EPB41L3: variants seen among roughly 807,000 people sequenced by gnomAD.
The protein encoded by EPB41L3 is band 4.1-like protein 3.
EPB41L3 carries 57 observed loss-of-function variants against 127.1 expected under a neutral mutation model. The observed-to-expected ratio is 0.45, with a 90% CI of 0.36 to 0.56. EPB41L3 has a LOEUF of 0.56. EPB41L3 is among the 20% of genes least tolerant of loss of function. The probability of loss-of-function intolerance (pLI) is 0.00; values close to 1 mark genes in which losing one functional copy is unlikely to be tolerated. For synonymous variants in EPB41L3, 572 were observed against 549.5 expected (o/e 1.04, Z -0.57); for missense variants, 1,273 against 1,372.2 (o/e 0.93, Z 1.14).
intron 1 of EPB41L3, among the ~76,000 whole-genome samples, chr18:5,624,368 C>T (rs930340846): frequency 6.6e-6 from 1 of 152,142 alleles, no homozygotes; most frequent in Admixed American, 6.6e-5. Flanking sequence ...TTCCTTCAGC[C>T]CAATCACTAT....
intron 3 of EPB41L3, among the ~76,000 whole-genome samples, chr18:5,572,622 G>A (rs1468827222): frequency 6.6e-6 from 1 of 152,136 alleles, no homozygotes; most frequent in South Asian, 2.1e-4. Context: ...TGCCCAGGCT[G>A]CAGTGCAATG....
chr18:5,594,308 C>T lies in EPB41L3; in HGVS notation c.-306+18032G>A, dbSNP rs529264389. On this transcript the variant is annotated intron_variant, in intron 3 of 21. Transcript: ENST00000545076. Reference sequence around the variant, plus strand: ...GGTCCCTGACTTCCCGCAACACCCCCGCAAAATTTTAAATATCTGTTACCC... The same window carrying T: ...GGTCCCTGACTTCCCGCAACACCCCTGCAAAATTTTAAATATCTGTTACCC... 9.2e-5 allele frequency among the ~76,000 whole-genome samples: 14 copies of T among 152,258 alleles called. No homozygotes were observed. In the South Asian group the frequency reaches 1.9e-3, roughly 20 times the overall value.
intron 12 of EPB41L3, among the ~76,000 whole-genome samples, chr18:5,417,939 G>C (rs192582116): frequency 3.7e-4 from 56 of 152,242 alleles, no homozygotes; most frequent in Non-Finnish European, 8.8e-5. Context: ...TCCCAGCCTG[G>C]GAAACGTGCC....
intron 2 of EPB41L3, among the ~76,000 whole-genome samples, chr18:5,486,373 T>C (rs1305542376): frequency 3.3e-5 from 5 of 152,114 alleles, no homozygotes; most frequent in African/African-American, 9.7e-5. Flanking sequence ...GACCTGTAAC[T>C]ATGAAACCAC....
intron 3 of EPB41L3, among the ~76,000 whole-genome samples, chr18:5,566,718 T>TTTTCTTTTCTATTCCATTCC (rs2094203246): frequency 7.0e-6 from 1 of 142,882 alleles, no homozygotes; most frequent in Non-Finnish European, 1.5e-5. Context: ...TTTTCTTTTC[T>TTTTCTTTTCTATTCCATTCC]ATTCCATTCT....
intron 3 of EPB41L3, among the ~76,000 whole-genome samples, chr18:5,460,892 G>A (rs534907102): frequency 6.6e-6 from 1 of 152,156 alleles, no homozygotes; most frequent in Non-Finnish European, 1.5e-5. Context: ...TTTTCTCTTT[G>A]TTATACTGGG....
At chr18:5,575,441 T>G (rs1414472359) in intron 3 of EPB41L3, among the ~76,000 whole-genome samples, 2 of 152,024 alleles carry the variant, frequency 1.3e-5, no homozygotes, top group African/African-American at 4.8e-5. Context: ...AGCTGGTACT[T>G]CCTTTCTTTT....
intron 1 of EPB41L3, among the ~76,000 whole-genome samples, chr18:5,509,814 G>C (rs2092423136): frequency 1.3e-5 from 2 of 152,184 alleles, no homozygotes; most frequent in Non-Finnish European, 2.9e-5. Flanking sequence ...AGGAGACTTT[G>C]TTATCTTGTT....
At position 5,396,351 on chromosome 18, in the gene EPB41L3, A is replaced by G; in HGVS notation, c.2842-19T>C. 6.2e-7 allele frequency: 1 copy of G among 1,614,028 alleles called. No individual in the cohort carries two copies. Among genetic ancestry groups the G allele is most frequent in the Non-Finnish European group, 8.5e-7 (1 of 1,179,972 alleles). On this transcript the variant is annotated intron_variant, in intron 18 of 22. Transcript: ENST00000341928. ...TTGAGGACTGTGCCAAAGGGGAGTA[A>G]GCAGAGTGGCTGTTATAGTTTGCAT...
intron 3 of EPB41L3, among the ~76,000 whole-genome samples, chr18:5,565,813 T>C (rs898812830): frequency 2.6e-5 from 4 of 152,080 alleles, no homozygotes; most frequent in African/African-American, 9.7e-5. Context: ...AACTCATCAC[T>C]TTTTATGGCT....
intron 3 of EPB41L3, among the ~76,000 whole-genome samples, chr18:5,553,775 C>T (rs1719960): frequency 0.18 from 28,029 of 152,156 alleles, 3,055 homozygotes; most frequent in African/African-American, 0.31. Flanking sequence ...TCTGTCTCTG[C>T]TGCCACCCTG....
upstream of EPB41L3, among the ~76,000 whole-genome samples, chr18:5,549,007 T>C (rs2093926057): frequency 6.6e-6 from 1 of 152,230 alleles, no homozygotes; most frequent in African/African-American, 2.4e-5. Flanking sequence ...TCAGCTATTA[T>C]GTTTCACCCC....
At chr18:5,424,386 G>A (rs913458305) in intron 9 of EPB41L3, 27 bp from the exon 10 acceptor site, 3 of 1,523,696 alleles carry the variant, frequency 2.0e-6, no homozygotes, top group South Asian at 1.2e-5. Context: ...ACATTGAAGA[G>A]TAAAGTTTAA....
intron 1 of EPB41L3, among the ~76,000 whole-genome samples, chr18:5,492,551 T>C (rs2090725179): frequency 6.6e-6 from 1 of 152,214 alleles, no homozygotes; most frequent in South Asian, 2.1e-4. Context: ...TAAAGACTAT[T>C]GTTTTCCAAG....
chr18:5,481,069 G>A (rs972734340), intron 2 of EPB41L3: 1 of 152,196 alleles, frequency 6.6e-6, no homozygotes, highest in Non-Finnish European at 1.5e-5. Context: ...CCTTAGGTTT[G>A]TCTACTAAGC....
chr18:5,500,708 A>G (rs2091665493), intron 1 of EPB41L3, among the ~76,000 whole-genome samples: 1 of 152,248 alleles, frequency 6.6e-6, no homozygotes, highest in South Asian at 2.1e-4. Context: ...CTGTCTGTCC[A>G]GGAGAATTTT....
rs2094237809 is a variant in EPB41L3, at chr18:5,568,544, A to G, written c.-306+43796T>C. Among the ~76,000 whole-genome samples the G allele has an allele frequency of 3.3e-5, 5 of 152,088 alleles. No homozygotes were observed. In the South Asian group the frequency reaches 8.3e-4, roughly 25 times the overall value. On this transcript the variant is annotated intron_variant, in intron 3 of 21. Transcript: ENST00000545076. Reference sequence around the variant, plus strand: ...ATCTCCATTTCCCAGAGGTATAGCCACATTGCTAGGGGCCCCACAGAGTAC... The same window carrying G: ...ATCTCCATTTCCCAGAGGTATAGCCGCATTGCTAGGGGCCCCACAGAGTAC...
chr18:5,489,193 T>C lies in EPB41L3; in HGVS notation c.-10A>G, dbSNP rs947948980. 8 of 1,589,658 alleles carry C rather than the reference T, an allele frequency of 5.0e-6. No homozygotes were observed. Among genetic ancestry groups the C allele is most frequent in the Non-Finnish European group, 6.8e-6 (8 of 1,173,082 alleles). On this transcript the variant is annotated splice_region_variant and 5_prime_UTR_variant, in exon 2 of 23. Coordinates refer to ENST00000341928, the MANE Select transcript of EPB41L3 (RefSeq NM_012307.5). ...CAGATTCGGTCGTCATGGTTGATTG[T>C]TCTGCAAGCAGAAAAAAGGGAAGAG... is the stretch of plus-strand genomic sequence containing the variant.
At chr18:5,607,623 A>G (rs2094675390) in intron 3 of EPB41L3, among the ~76,000 whole-genome samples, 1 of 152,180 alleles carries the variant, frequency 6.6e-6, no homozygotes, top group Non-Finnish European at 1.5e-5. Context: ...TGGATTTAGA[A>G]AAAAGTTAGA....
Sources: allele counts gnomAD v4.1 joint callset (sites outside exome capture counted in the v4.1 genomes callset), GRCh38; gene constraint gnomAD v4.1.1; transcripts MANE v1.5; gene names NCBI Gene and HGNC (gene_info 2026-07-23, HGNC 2026-07-21).